Variants in AJAP1 observed in about 807,000 individuals in gnomAD.
The protein encoded by AJAP1 is adherens junctions associated protein 1.
A neutral mutation model predicts 35.0 loss-of-function variants in AJAP1; 5 were observed. The ratio of observed to expected loss-of-function variants is 0.14; its 90% CI spans 0.07 to 0.30. The LOEUF (loss-of-function observed/expected upper bound fraction) is 0.30, where lower values mean the gene tolerates loss of function less well. Among genes scored for constraint, AJAP1 ranks in the 10% least tolerant of loss-of-function variants. The probability of loss-of-function intolerance (pLI) is 1.00; values close to 1 mark genes in which losing one functional copy is unlikely to be tolerated. For missense variants in AJAP1, 586 were observed against 571.0 expected (o/e 1.03, Z -0.27); for synonymous variants, 284 against 249.3 (o/e 1.14, Z -1.31).
rs185408517 is a variant in AJAP1 at position 4,757,282 on chromosome 1, G to A, written c.830-12571G>A. On this transcript the variant is annotated intron_variant, in intron 2 of 5. Coordinates refer to ENST00000378191, the MANE Select transcript of AJAP1 (RefSeq NM_018836.4). ...CAAACAGCACCAGACCCAGGGGCAT[G>A]CAGTGCTACCAGTGTATTGCTGGGG... Among the ~76,000 whole-genome samples the A allele has an allele frequency of 2.4e-3, 368 of 152,350 alleles. 4 individuals are homozygous for A. The highest frequency in any genetic ancestry group is 2.4e-3 in the Admixed American group (37 of 15,304).
At chr1:4,768,514 G>T (rs1428932828) in intron 2 of AJAP1, among the ~76,000 whole-genome samples, 1 of 152,230 alleles carries the variant, frequency 6.6e-6, no homozygotes, top group Non-Finnish European at 1.5e-5. Flanking sequence ...CTGTCCTTGG[G>T]AGGCCGCCAG....
chr1:4,790,927 T>TGTTTTC lies in AJAP1; in HGVS notation c.*8447_*8448insCGTTTT, dbSNP rs1209658692. On this transcript the variant is annotated 3_prime_UTR_variant, in exon 6 of 6. Transcript: ENST00000378191. Reference sequence around the variant, plus strand: ...AGAAGTGTTTCTGTTTTTTTGTTTTTGTTTTTGTTTTTGTTTTTGTTTTTG... The same window carrying TGTTTTC: ...AGAAGTGTTTCTGTTTTTTTGTTTTTGTTTTCGTTTTTGTTTTTGTTTTTGTTTTTG... The TGTTTTC allele has an allele frequency of 2.0e-4, 30 of 149,782 alleles. No homozygotes were observed. Among genetic ancestry groups the TGTTTTC allele is most frequent in the African/African-American group, 6.9e-4 (28 of 40,580 alleles). The allele number at this position is 149,782 out of a possible 1,614,324, so 9.3% of individuals were successfully genotyped here.
intron 2 of AJAP1, among the ~76,000 whole-genome samples, chr1:4,740,186 A>G (rs890884762): frequency 4.6e-5 from 7 of 151,712 alleles, no homozygotes; most frequent in Non-Finnish European, 1.0e-4. Context: ...CAGCCTTAAA[A>G]CCAAAGGAAA....
intron 2 of AJAP1, among the ~76,000 whole-genome samples, chr1:4,768,363 G>A (rs112182076): frequency 6.6e-6 from 1 of 152,292 alleles, no homozygotes; most frequent in African/African-American, 2.4e-5. Flanking sequence ...AGAATCCCTC[G>A]TGAAAAACAA....
Position 4,734,851 on chromosome 1 carries a change from C to G in AJAP1, c.829+22152C>G, listed in dbSNP as rs757289268. 2.6e-5 allele frequency among the ~76,000 whole-genome samples: 4 copies of G among 152,150 alleles called. No individual in the cohort carries two copies. Among genetic ancestry groups the G allele is most frequent in the Non-Finnish European group, 5.9e-5 (4 of 68,034 alleles). ...GGGAAGCATCTTCTGCTTCCGAGGC[C>G]CGAAACAGTGGCGTTTCCTCTTCCC... On this transcript the variant is annotated intron_variant, in intron 2 of 5. Transcript: ENST00000378191. The surrounding 1 kb of genome is among the most constrained non-coding windows in gnomAD (Gnocchi z 4.3).
intron 2 of AJAP1, among the ~76,000 whole-genome samples, chr1:4,717,745 G>A (rs897041333): frequency 2.6e-5 from 4 of 152,294 alleles, no homozygotes; most frequent in Admixed American, 2.6e-4. Context: ...GCCAACCTCA[G>A]GAGCAAGCCT....
chr1:4,705,553 A>C (rs1170425981), intron 1 of AJAP1, among the ~76,000 whole-genome samples: 1 of 151,526 alleles, frequency 6.6e-6, no homozygotes, highest in Non-Finnish European at 1.5e-5. Context: ...GGCAAATGCT[A>C]TTCAAGGTCA....
At chr1:4,740,397 T>TGGGGGAGGGGGAGGGGGAG (rs1553159528) in intron 2 of AJAP1, among the ~76,000 whole-genome samples, 42 of 142,954 alleles carry the variant, frequency 2.9e-4, no homozygotes, top group Admixed American at 4.3e-4. Flanking sequence ...GGGGACAGAG[T>TGGGGGAGGGGGAGGGGGAG]TTCAGTTTTG....
chr1:4,685,665 C>G (rs61765025), intron 1 of AJAP1, among the ~76,000 whole-genome samples: 1 of 139,782 alleles, frequency 7.2e-6, no homozygotes, highest in Non-Finnish European at 1.6e-5. Context: ...CCTGCCCCAG[C>G]GAAGGAGAGG....
At position 4,790,442 on chromosome 1, in the gene AJAP1, A is replaced by G. The variant is rs1411144849; in HGVS notation, c.*7957A>G. The stretch of plus-strand genomic sequence containing the variant: ...CTAAGGTGCTCTTAGATACGGTGTC[A>G]CTTCCACATACAAGCACAATTCTCC... On this transcript the variant is annotated 3_prime_UTR_variant, in exon 6 of 6. Transcript: ENST00000378191. The G allele has an allele frequency of 2.0e-5, 3 of 152,198 alleles. No homozygotes were observed. The highest frequency in any genetic ancestry group is 7.2e-5 in the African/African-American group (3 of 41,436). 9.4% of individuals were successfully genotyped at this position (152,198 alleles called of 1,614,324 possible).
At chr1:4,761,196 T>G (rs1055596139) in intron 2 of AJAP1, among the ~76,000 whole-genome samples, 6 of 152,228 alleles carry the variant, frequency 3.9e-5, no homozygotes, top group African/African-American at 1.4e-4. Context: ...GTGCCCCTGC[T>G]GAGAATCCCA....
In AJAP1 at chr1:4,783,525, A is replaced by G. The variant is rs868218090; in HGVS notation, c.*1040A>G. On this transcript the variant is annotated 3_prime_UTR_variant, in exon 6 of 6. Transcript: ENST00000378191. ...TATATATATATGTTTGTGTGTGTAT[A>G]TATATATATATATATATATGTTTGT... The G allele has an allele frequency of 4.1e-3, 538 of 132,546 alleles. 4 individuals are homozygous for G. The highest frequency in any genetic ancestry group is 0.011 in the African/African-American group (343 of 31,022). The allele number at this position is 132,546 out of a possible 1,614,324, so 8.2% of individuals were successfully genotyped here.
intron 2 of AJAP1, among the ~76,000 whole-genome samples, chr1:4,747,853 T>C (rs1289925643): frequency 6.6e-6 from 1 of 151,862 alleles, no homozygotes; most frequent in African/African-American, 2.4e-5. Flanking sequence ...CCGGGCGTGG[T>C]GGCACACACC....
chr1:4,765,524 A>G (rs1195895488), intron 2 of AJAP1, among the ~76,000 whole-genome samples: 2 of 66,386 alleles, frequency 3.0e-5, no homozygotes, highest in Non-Finnish European at 6.0e-5. Flanking sequence ...GGAGGAGAAA[A>G]GTCAAAGCCT....
In AJAP1 at chr1:4,712,219, C is replaced by T; in HGVS notation, c.349C>T (p.Leu117=). The T allele has an allele frequency of 6.5e-7, 1 of 1,547,248 alleles. No homozygotes were observed. The change falls in exon 2 of 6, where the codon CTG becomes TTG. Residue 117 remains leucine, a synonymous_variant. Coordinates refer to ENST00000378191, the MANE Select transcript of AJAP1 (RefSeq NM_018836.4). The stretch of plus-strand genomic sequence containing the variant: ...GGCCGCCCTCGTGCCCAAGGCAGGA[C>T]TGGCCAAGCCCCCAGCTGCTGCCAA... ...QAAALVPKAG[L]AKPPAAAKSS... is the part of the protein sequence containing the mutation.
chr1:4,744,897 G>A lies in AJAP1; in HGVS notation c.830-24956G>A, dbSNP rs142750327. Among the ~76,000 whole-genome samples, 6 of 152,190 alleles carry A rather than the reference G, an allele frequency of 3.9e-5. No individual in the cohort carries two copies. The East Asian group carries it at 9.7e-4, about 25-fold the overall frequency. On this transcript the variant is annotated intron_variant, in intron 2 of 5. Transcript: ENST00000378191. ...GAGGACACACACCCACCTGGGACGC[G>A]GGGCTTCAGGAGAGAGGCAGACCTA...
At chr1:4,701,730 A>T (rs1167653809) in intron 1 of AJAP1, among the ~76,000 whole-genome samples, 1 of 152,206 alleles carries the variant, frequency 6.6e-6, no homozygotes, top group Non-Finnish European at 1.5e-5. Context: ...AGAACTGGTG[A>T]TGTGTCTAAA....
chr1:4,657,456 T>C (rs1460632888), intron 1 of AJAP1, among the ~76,000 whole-genome samples: 1 of 152,134 alleles, frequency 6.6e-6, no homozygotes, highest in South Asian at 2.1e-4. Flanking sequence ...GTCTGGGTGG[T>C]TTTGCATCAC....
intron 5 of AJAP1, among the ~76,000 whole-genome samples, chr1:4,781,228 G>T (rs2100375939): frequency 6.6e-6 from 1 of 152,290 alleles, no homozygotes; most frequent in Non-Finnish European, 1.5e-5. Flanking sequence ...CTCCTCCCCA[G>T]TCCCAACCAG....
Sources: allele counts gnomAD v4.1 joint callset (sites outside exome capture counted in the v4.1 genomes callset), GRCh38; gene constraint gnomAD v4.1.1; non-coding constraint Gnocchi (gnomAD v3.1); transcripts MANE v1.5; gene names NCBI Gene and HGNC (gene_info 2026-07-23, HGNC 2026-07-21).